Variants in LAMA2 observed in about 807,000 individuals in gnomAD.
LAMA2 encodes the protein laminin subunit alpha 2.
Under a neutral mutation model 364.8 loss-of-function variants are expected in LAMA2, and 269 were observed. The observed-to-expected ratio is 0.74, with a 90% confidence interval of 0.67 to 0.82. The LOEUF (loss-of-function observed/expected upper bound fraction) is 0.82, where lower values mean the gene tolerates loss of function less well. Ranked by LOEUF, LAMA2 falls within the 40% of genes least tolerant of loss-of-function variation. LAMA2 has a pLI of 0.00. For missense variants in LAMA2, 3,807 were observed against 3,873.2 expected, an observed-to-expected ratio of 0.98 and a Z score of 0.45; for synonymous variants, 1,379 against 1,370.6, an observed-to-expected ratio of 1.01 and a Z score of -0.14.
At chr6:129,294,697 T>G (rs941724539) in intron 20 of LAMA2, among the ~76,000 whole-genome samples, 3 of 152,136 alleles carry the variant, frequency 2.0e-5, no homozygotes, top group Non-Finnish European at 4.4e-5. Flanking sequence ...AACTGGAGGC[T>G]TTCAGTCAGT....
At chr6:129,192,053 C>T (rs1191587919) in intron 11 of LAMA2, among the ~76,000 whole-genome samples, 1 of 152,192 alleles carries the variant, frequency 6.6e-6, no homozygotes, top group East Asian at 1.9e-4. Flanking sequence ...ACTTCTGACC[C>T]TATCTGAAGG....
intron 7 of LAMA2, among the ~76,000 whole-genome samples, chr6:129,151,772 G>A (rs1778813080): frequency 6.6e-6 from 1 of 152,102 alleles, no homozygotes; most frequent in African/African-American, 2.4e-5. Flanking sequence ...CAGCATGGGG[G>A]AGCTGCCCCC....
At chr6:129,136,949 G>A (rs188161037) in intron 4 of LAMA2, among the ~76,000 whole-genome samples, 2 of 152,226 alleles carry the variant, frequency 1.3e-5, no homozygotes, top group South Asian at 2.1e-4. Context: ...GTTATTATGG[G>A]TTACAGGTCA....
Position 129,507,545 on chromosome 6 carries a change from C to G in LAMA2, c.8760C>G (p.Ala2920=), listed in dbSNP as rs781063563. ...VRNLHMAEAP[A]DLEQPTSSFH... ...ATCTCCACATGGCAGAGGCCCCTGC[C>G]GATCTGGAACAACCCACCTCCAGCT... The change falls in exon 62 of 65, where the codon GCC becomes GCG. Residue 2920 remains alanine (A), a synonymous_variant. Coordinates refer to ENST00000421865, the MANE Select transcript of LAMA2 (RefSeq NM_000426.4). 1.9e-6 allele frequency: 3 copies of G among 1,614,150 alleles called. No homozygotes were observed. Among genetic ancestry groups the G allele is most frequent in the East Asian group, 2.2e-5 (1 of 44,876 alleles).
chr6:129,202,241 G>A (rs1272682444), intron 12 of LAMA2, among the ~76,000 whole-genome samples: 1 of 150,818 alleles, frequency 6.6e-6, no homozygotes, highest in African/African-American at 2.4e-5. Flanking sequence ...AGGTGCAGAG[G>A]AACAAAGATA....
chr6:129,434,324 G>T (rs1018805251), intron 41 of LAMA2, among the ~76,000 whole-genome samples: 4 of 152,066 alleles, frequency 2.6e-5, no homozygotes, highest in African/African-American at 9.7e-5. Flanking sequence ...CCCTCATTGT[G>T]AGTCCTGCTT....
rs150797844 is a variant in LAMA2, at chr6:129,365,688, T to G, written c.4718-531T>G. 3.3e-3 allele frequency among the ~76,000 whole-genome samples: 494 copies of G among 150,166 alleles called. No homozygotes were observed. The Middle Eastern group carries it at 0.034, about 10-fold the overall frequency. Reference sequence around the variant, plus strand: ...TTCTTTAGACTTTTTTTTTTTTTAATTATTCTACTCAATAGATACCAAGCT... The same window carrying G: ...TTCTTTAGACTTTTTTTTTTTTTAAGTATTCTACTCAATAGATACCAAGCT... On this transcript the variant is annotated intron_variant, in intron 32 of 64. Coordinates refer to ENST00000421865, the MANE Select transcript of LAMA2 (RefSeq NM_000426.4).
chr6:129,378,207 A>C (rs139452632), intron 34 of LAMA2, among the ~76,000 whole-genome samples: 1 of 152,232 alleles, frequency 6.6e-6, no homozygotes, highest in African/African-American at 2.4e-5. Context: ...GGACAAGATA[A>C]TAGTGAATAA....
chr6:129,202,187 CAAAAAA>C (rs776190977), intron 12 of LAMA2, among the ~76,000 whole-genome samples: 5 of 62,146 alleles, frequency 8.0e-5, no homozygotes, highest in Non-Finnish European at 1.2e-4. Context: ...GAGTCTGTCT[CAAAAAA>C]AAAAAAAAAA....
intron 64 of LAMA2, among the ~76,000 whole-genome samples, chr6:129,515,187 T>G (rs1238794645): frequency 6.6e-6 from 1 of 152,006 alleles, no homozygotes; most frequent in African/African-American, 2.4e-5. Context: ...GTAAGCCAAG[T>G]GCCTCTTAAT....
At chr6:129,495,145 C>G (rs955262466) in intron 58 of LAMA2, among the ~76,000 whole-genome samples, 2 of 152,122 alleles carry the variant, frequency 1.3e-5, no homozygotes, top group Admixed American at 1.3e-4. Flanking sequence ...AAGGCAGGCT[C>G]GAGTTGTTAG....
chr6:129,416,009 C>T (rs1780769497), intron 40 of LAMA2, among the ~76,000 whole-genome samples: 1 of 33,828 alleles, frequency 3.0e-5, no homozygotes, highest in South Asian at 1.0e-3. Context: ...AGTGCAGTGG[C>T]GGGATCTCGG....
chr6:129,083,074 GCTCA>G lies in LAMA2; in HGVS notation c.397-15097_397-15094del, dbSNP rs747166611. Reference sequence around the variant, plus strand: ...ATTTATTTCTGTCTAGTTCTCCTCTGCTCACACACACACACACACACACACACGT... The same window carrying G: ...ATTTATTTCTGTCTAGTTCTCCTCTGCACACACACACACACACACACACGT... On this transcript the variant is annotated intron_variant, in intron 3 of 64. Transcript: ENST00000421865. 8.7e-3 allele frequency among the ~76,000 whole-genome samples: 224 copies of G among 25,702 alleles called. 1 individual carries two copies. Among genetic ancestry groups the G allele is most frequent in the Non-Finnish European group, 0.017 (178 of 10,710 alleles). The allele number at this position is 25,702 out of a possible 152,430, so 16.9% of individuals were successfully genotyped here.
chr6:129,232,623 A>G (rs1303566230), intron 12 of LAMA2, among the ~76,000 whole-genome samples: 1 of 152,112 alleles, frequency 6.6e-6, no homozygotes, highest in Non-Finnish European at 1.5e-5. Flanking sequence ...ATTTCTTTAT[A>G]TTGACTGATT....
At chr6:129,071,203 C>T (rs1019343949) in intron 3 of LAMA2, among the ~76,000 whole-genome samples, 6 of 152,122 alleles carry the variant, frequency 3.9e-5, no homozygotes, top group South Asian at 2.1e-4. Flanking sequence ...TCAAATATAT[C>T]GACATGAGTT....
intron 3 of LAMA2, among the ~76,000 whole-genome samples, chr6:129,076,406 T>C (rs1173331023): frequency 6.8e-6 from 1 of 146,188 alleles, no homozygotes; most frequent in East Asian, 2.0e-4. Context: ...ACCTAAATTG[T>C]AATGAGTATA....
intron 3 of LAMA2, among the ~76,000 whole-genome samples, chr6:129,093,210 C>G (rs958865512): frequency 6.6e-6 from 1 of 151,244 alleles, no homozygotes; most frequent in Non-Finnish European, 1.5e-5. Flanking sequence ...AGGCTGGTCT[C>G]GAACTCCTGA....
At chr6:129,048,661 C>T (rs111809816) in intron 1 of LAMA2, among the ~76,000 whole-genome samples, 24,144 of 148,926 alleles carry the variant, frequency 0.16, 2,349 homozygotes, top group African/African-American at 0.25. Flanking sequence ...GTCTCCCAGG[C>T]TGGAGTGCAG....
chr6:128,898,960 T>C (rs769443435), intron 1 of LAMA2, among the ~76,000 whole-genome samples: 3 of 152,184 alleles, frequency 2.0e-5, no homozygotes, highest in Non-Finnish European at 2.9e-5. Context: ...TCCAATCTCA[T>C]GTCAAATGTC....
Sources: allele counts gnomAD v4.1 joint callset (sites outside exome capture counted in the v4.1 genomes callset), GRCh38; gene constraint gnomAD v4.1.1; transcripts MANE v1.5; gene names NCBI Gene and HGNC (gene_info 2026-07-23, HGNC 2026-07-21).